Variants in KIF3A observed in about 807,000 individuals in gnomAD.
The protein encoded by KIF3A is kinesin family member 3A.
Under a neutral mutation model 92.6 loss-of-function variants are expected in KIF3A, and 27 were observed. That is an observed-to-expected ratio of 0.29 (90% CI 0.21 to 0.40). KIF3A has a LOEUF of 0.40. Among genes scored for constraint, KIF3A ranks in the 10% least tolerant of loss-of-function variants. The pLI, the probability that KIF3A is intolerant of heterozygous loss-of-function variation, is 1.00. For missense variants in KIF3A, 581 were observed against 872.6 expected (o/e 0.67, Z 4.21); for synonymous variants, 250 against 275.4 (o/e 0.91, Z 0.92).
intron 2 of KIF3A, among the ~76,000 whole-genome samples, chr5:132,727,620 A>C (rs776706677): frequency 6.6e-6 from 1 of 152,232 alleles, no homozygotes; most frequent in Non-Finnish European, 1.5e-5. Context: ...TGCCATAATC[A>C]CACAGTATAA....
At chr5:132,705,074 A>G (rs572511004) in intron 11 of KIF3A, among the ~76,000 whole-genome samples, 25 of 152,090 alleles carry the variant, frequency 1.6e-4, no homozygotes, top group Non-Finnish European at 2.7e-4. Context: ...ATTGCATTCC[A>G]AAAGTCAGGA....
At chr5:132,689,012 T>C (rs952799535), downstream of KIF3A, among the ~76,000 whole-genome samples, 2 of 152,214 alleles carry the variant, frequency 1.3e-5, no homozygotes, top group Admixed American at 1.3e-4. Flanking sequence ...TGAGACAATC[T>C]GATCTTCTGA....
chr5:132,714,892 C>T (rs1753564174), intron 8 of KIF3A, among the ~76,000 whole-genome samples: 1 of 152,364 alleles, frequency 6.6e-6, no homozygotes, highest in Admixed American at 6.5e-5. Flanking sequence ...TTAAAACATA[C>T]TGGCTATAAA....
At position 132,696,698 on chromosome 5, in the gene KIF3A, A is replaced by T; in HGVS notation, c.2133-16T>A. 1 of 1,599,636 alleles carries T rather than the reference A, an allele frequency of 6.3e-7. No individual in the cohort carries two copies. Among genetic ancestry groups the T allele is most frequent in the Non-Finnish European group, 8.6e-7 (1 of 1,167,048 alleles). On this transcript the variant is annotated splice_polypyrimidine_tract_variant and intron_variant, in intron 18 of 18. Coordinates refer to ENST00000403231, the MANE Select transcript of KIF3A (RefSeq NM_001300791.2). ...AGAACGCTTTCTGTTTGGAGAAGAA[A>T]AAAAGCAATCATGAATGCTTTCCTA...
chr5:132,720,569 A>G (rs770991217), intron 5 of KIF3A, 40 bp downstream of exon 5: 1 of 1,348,146 alleles, frequency 7.4e-7, no homozygotes, highest in South Asian at 1.3e-5. Context: ...CAGCCTACTC[A>G]ACACACAGAT....
intron 12 of KIF3A, 33 bp from the exon 13 acceptor site, chr5:132,703,098 C>A (rs753227281): frequency 6.6e-7 from 1 of 1,523,016 alleles, no homozygotes; most frequent in Admixed American, 2.2e-5. Context: ...TCTATATTCA[C>A]TGATGATCTA....
At position 132,698,956 on chromosome 5, in the gene KIF3A, T is replaced by G. The variant is rs1752931918; in HGVS notation, c.2132+215A>C. Among the ~76,000 whole-genome samples, 3 of 152,338 alleles carry G rather than the reference T, an allele frequency of 2.0e-5. No homozygotes were observed. The South Asian group carries it at 6.2e-4, about 32-fold the overall frequency. On this transcript the variant is annotated intron_variant, in intron 18 of 18. Transcript: ENST00000403231. ...TTTCACTATGTTAGCCAGGCTGGTC[T>G]CAAACTCCTGACCTCAAATGATCCA...
At chr5:132,713,968 C>T (rs1193183142) in intron 8 of KIF3A, among the ~76,000 whole-genome samples, 1 of 137,408 alleles carries the variant, frequency 7.3e-6, no homozygotes, top group Non-Finnish European at 1.5e-5. Context: ...ATAATCTCGG[C>T]TCATTGCCAC....
chr5:132,709,721 A>G (rs1753348350), intron 9 of KIF3A, among the ~76,000 whole-genome samples: 1 of 152,210 alleles, frequency 6.6e-6, no homozygotes. Context: ...AGGACAGATA[A>G]GTGTTTGAGA....
chr5:132,715,660 C>G, intron 8 of KIF3A, 97 bp downstream of exon 8: 1 of 846,050 alleles, frequency 1.2e-6, no homozygotes, highest in Non-Finnish European at 1.8e-6. Flanking sequence ...GTTAGAGGCT[C>G]AAAAAAGGTT....
rs567724001 is a variant in KIF3A at position 132,697,710 on chromosome 5, G to C, written c.2133-1028C>G. On this transcript the variant is annotated intron_variant, in intron 18 of 18. Transcript: ENST00000403231. ...AGGTGCCAGTAATCCCAGCTACTCA[G>C]GGCACTCCAGCCTGGGCAACAGAGT... The C allele has an allele frequency of 2.0e-5, 3 of 152,158 alleles. No homozygotes were observed. In the East Asian group the frequency reaches 5.8e-4, roughly 29 times the overall value. 9.4% of individuals were successfully genotyped at this position (152,158 alleles called of 1,614,324 possible). A position where few individuals can be genotyped will look rare whatever the true frequency, so the allele number is the denominator to read the frequency against.
At chr5:132,724,780 C>G (rs1753946217) in intron 4 of KIF3A, among the ~76,000 whole-genome samples, 1 of 107,018 alleles carries the variant, frequency 9.3e-6, no homozygotes, top group Non-Finnish European at 1.7e-5. Flanking sequence ...TACCCTAGAA[C>G]TTAAAGTATA....
At chr5:132,718,908 C>T (rs1205468300) in intron 5 of KIF3A, among the ~76,000 whole-genome samples, 1 of 152,138 alleles carries the variant, frequency 6.6e-6, no homozygotes, top group African/African-American at 2.4e-5. Context: ...GGATTACAGG[C>T]ATGAGCCACC....
chr5:132,717,523 G>C (rs965561608), intron 5 of KIF3A, among the ~76,000 whole-genome samples: 3 of 151,394 alleles, frequency 2.0e-5, no homozygotes, highest in Non-Finnish European at 4.4e-5. Context: ...ACAATATTCA[G>C]TGCAGCATTA....
In KIF3A at chr5:132,703,064, G is replaced by T. The variant is rs767611654; in HGVS notation, c.1468C>A (p.Gln490Lys). ...KREKDLLKAQ[Q>K]EHQSLLEKLS... Reference sequence around the variant, plus strand: ...TTTTCCAGCAAAGACTGATGCTCTTGTCTGTTGATTAGAATGAGAATACTC... The same window carrying T: ...TTTTCCAGCAAAGACTGATGCTCTTTTCTGTTGATTAGAATGAGAATACTC... Residue 490 changes from glutamine (Q) to lysine (K), a missense_variant and splice_region_variant, in exon 13 of 19, where the codon CAA becomes AAA. By Grantham distance (53) the Gln-to-Lys change is moderately conservative. This residue lies in a region of KIF3A where 167 missense variants were observed against 205.8 expected (regional missense o/e 0.81). Transcript: ENST00000403231. The T allele has an allele frequency of 6.2e-7, 1 of 1,603,762 alleles. No homozygotes were observed. Among genetic ancestry groups the T allele is most frequent in the Non-Finnish European group, 8.5e-7 (1 of 1,176,098 alleles).
intron 15 of KIF3A, among the ~76,000 whole-genome samples, chr5:132,701,445 G>A (rs1159121301): frequency 7.0e-6 from 1 of 143,530 alleles, no homozygotes; most frequent in Non-Finnish European, 1.5e-5. Flanking sequence ...GTTGCAGGGA[G>A]CCGAGATTGC....
chr5:132,726,610 A>G (rs964413413), intron 2 of KIF3A, 112 bp from the exon 3 acceptor site: 4 of 936,006 alleles, frequency 4.3e-6, no homozygotes, highest in Non-Finnish European at 6.5e-6. Context: ...TGGATTCAAA[A>G]TTTATTCTAG....
At chr5:132,709,588 T>C (rs1753343422) in intron 9 of KIF3A, among the ~76,000 whole-genome samples, 1 of 152,246 alleles carries the variant, frequency 6.6e-6, no homozygotes, top group South Asian at 2.1e-4. Context: ...CATTTTTCTA[T>C]TTAAAATTTT....
At chr5:132,700,782 A>G in intron 15 of KIF3A, 82 bp from the exon 16 acceptor site, 2 of 805,402 alleles carry the variant, frequency 2.5e-6, no homozygotes, top group Non-Finnish European at 4.2e-6. Context: ...AAATCTTAAT[A>G]ACATTGAGTA....
Sources: gnomAD v4.1 joint callset for allele counts (sites outside exome capture counted in the v4.1 genomes callset) on GRCh38, gnomAD v4.1.1 for gene constraint, gnomAD v4.1.1 regional missense constraint, MANE v1.5 for transcripts, NCBI Gene and HGNC (gene_info 2026-07-23, HGNC 2026-07-21) for gene names.